CAPN8: variants seen among roughly 807,000 people sequenced by gnomAD.
CAPN8 encodes the protein calpain-8.
A neutral mutation model predicts 80.9 loss-of-function variants in CAPN8; 87 were observed. The ratio of observed to expected loss-of-function variants is 1.07; its 90% CI spans 0.90 to 1.28. The LOEUF (loss-of-function observed/expected upper bound fraction) is 1.28. CAPN8 is among the 50% of genes most tolerant of loss of function. The probability of loss-of-function intolerance (pLI) is 0.00; values close to 1 mark genes in which losing one functional copy is unlikely to be tolerated. For synonymous variants in CAPN8, 299 were observed against 273.8 expected, an observed-to-expected ratio of 1.09 and a Z score of -0.91; for missense variants, 757 against 702.0, an observed-to-expected ratio of 1.08 and a Z score of -0.89.
In CAPN8 at chr1:223,550,780, G is replaced by A. The variant is rs544307376; in HGVS notation, c.1699+180C>T. Among the ~76,000 whole-genome samples the A allele has an allele frequency of 9.9e-5, 15 of 152,100 alleles. 1 individual carries two copies. Among genetic ancestry groups the A allele is most frequent in the Admixed American group, 5.2e-4 (8 of 15,280 alleles). ...CCTTCACCTCCACCCTCGCCTCCCC[G>A]TCTTCTGCCTCTCCTTCTTCCCCTC... is the stretch of plus-strand genomic sequence containing the variant. On this transcript the variant is annotated intron_variant, in intron 15 of 20. Transcript: ENST00000366872.
At position 223,656,873 on chromosome 1, in the gene CAPN8, A is replaced by T. The variant is rs1272908008; in HGVS notation, c.238-2474T>A. On this transcript the variant is annotated intron_variant, in intron 1 of 20. Coordinates refer to ENST00000366872, the MANE Select transcript of CAPN8 (RefSeq NM_001143962.2). ...TAATTTTTTGTATTTTTTAGTAGAGATGGGGTTTCGCCTTGTTAACCAGGA... is the reference window on the plus strand; with the variant it reads ...TAATTTTTTGTATTTTTTAGTAGAGTTGGGGTTTCGCCTTGTTAACCAGGA... Among the ~76,000 whole-genome samples the T allele has an allele frequency of 1.1e-4, 16 of 151,404 alleles. 1 individual carries two copies. Among genetic ancestry groups the T allele is most frequent in the Admixed American group, 1.1e-3 (16 of 15,210 alleles).
chr1:223,616,942 A>G (rs1035352242), intron 9 of CAPN8: 1 of 152,218 alleles, frequency 6.6e-6, no homozygotes, highest in African/African-American at 2.4e-5. Context: ...CTCTCAGAAT[A>G]GTAAGTACAC....
At chr1:223,629,198 G>GTGTGTGTGTC in intron 2 of CAPN8, among the ~76,000 whole-genome samples, 1 of 18,036 alleles carries the variant, frequency 5.5e-5, no homozygotes, top group Non-Finnish European at 9.3e-5. Context: ...ACGTGTAAGA[G>GTGTGTGTGTC]TGTGTGTGTG....
chr1:223,619,277 C>T lies in CAPN8; in HGVS notation c.1135+16G>A. 2 of 1,551,288 alleles carry T rather than the reference C, an allele frequency of 1.3e-6. No homozygotes were observed. Among genetic ancestry groups the T allele is most frequent in the Non-Finnish European group, 1.7e-6 (2 of 1,146,880 alleles). ...TAAGCTGGAGGAGGTTGGGCCAAGG[C>T]AGCCCTTCACCTTACCTGGGTAGTT... is the stretch of plus-strand genomic sequence containing the variant. On this transcript the variant is annotated intron_variant, in intron 9 of 20. Transcript: ENST00000366872.
At chr1:223,661,704 A>G (rs1658650781) in intron 1 of CAPN8, among the ~76,000 whole-genome samples, 2 of 152,218 alleles carry the variant, frequency 1.3e-5, no homozygotes, top group African/African-American at 4.8e-5. Context: ...AACCCTGTGC[A>G]CTGCTGGTGG....
intron 7 of CAPN8, among the ~76,000 whole-genome samples, chr1:223,620,560 C>G (rs1657357072): frequency 6.6e-6 from 1 of 152,146 alleles, no homozygotes; most frequent in Non-Finnish European, 1.5e-5. Context: ...TTTGACATTT[C>G]TAATTAAGAC....
Position 223,545,304 on chromosome 1 carries a change from G to T in CAPN8, c.1765-5C>A. The T allele has an allele frequency of 6.4e-7, 1 of 1,551,506 alleles. No individual in the cohort carries two copies. The highest frequency in any genetic ancestry group is 8.7e-7 in the Non-Finnish European group (1 of 1,146,904). Reference sequence around the variant, plus strand: ...CAAAGTGCCCGTTCCATTGCTCTAGGCACATTAAAGACCAACATGATTGAG... The same window carrying T: ...CAAAGTGCCCGTTCCATTGCTCTAGTCACATTAAAGACCAACATGATTGAG... On this transcript the variant is annotated splice_polypyrimidine_tract_variant and splice_region_variant and intron_variant, in intron 16 of 20. Transcript: ENST00000366872.
chr1:223,542,171 T>C (rs1037779266), intron 20 of CAPN8, among the ~76,000 whole-genome samples: 2 of 151,664 alleles, frequency 1.3e-5, no homozygotes, highest in African/African-American at 2.4e-5. Context: ...TATACACACA[T>C]ATATATACAC....
intron 13 of CAPN8, among the ~76,000 whole-genome samples, chr1:223,557,040 G>A (rs1299418780): frequency 2.6e-5 from 4 of 152,156 alleles, no homozygotes; most frequent in Non-Finnish European, 5.9e-5. Context: ...GGCAGGGGGC[G>A]CTATTGACCA....
At chr1:223,616,947 G>C (rs1191377864) in intron 9 of CAPN8, 1 of 152,196 alleles carries the variant, frequency 6.6e-6, no homozygotes, top group African/African-American at 2.4e-5. Context: ...AGAATAGTAA[G>C]TACACAAGCC....
chr1:223,634,428 A>T (rs899050153), intron 2 of CAPN8, among the ~76,000 whole-genome samples: 1 of 152,174 alleles, frequency 6.6e-6, no homozygotes, highest in African/African-American at 2.4e-5. Context: ...GGCTTCTCTC[A>T]TTGGTGGGAG....
intron 2 of CAPN8, among the ~76,000 whole-genome samples, chr1:223,645,186 C>A (rs1001698609): frequency 1.3e-5 from 2 of 152,088 alleles, no homozygotes; most frequent in African/African-American, 4.8e-5. Context: ...AAGCATCCAG[C>A]GCAGAAGAAA....
At chr1:223,632,521 T>A (rs1657802288) in intron 2 of CAPN8, among the ~76,000 whole-genome samples, 1 of 152,214 alleles carries the variant, frequency 6.6e-6, no homozygotes, top group East Asian at 1.9e-4. Flanking sequence ...TACAGTCATG[T>A]GCCACCATGC....
At chr1:223,632,327 G>T (rs1572246110) in intron 2 of CAPN8, among the ~76,000 whole-genome samples, 1 of 152,154 alleles carries the variant, frequency 6.6e-6, no homozygotes, top group East Asian at 1.9e-4. Context: ...ACTTGTTTGG[G>T]GAACTGCCAG....
At chr1:223,549,554 C>T in intron 15 of CAPN8, 172 bp from the exon 16 acceptor site, 1 of 960,958 alleles carries the variant, frequency 1.0e-6, no homozygotes. Flanking sequence ...ACGCCTGAGC[C>T]TCCTGGTGCC....
At chr1:223,614,016 T>C (rs367735174) in intron 10 of CAPN8, among the ~76,000 whole-genome samples, 3 of 152,362 alleles carry the variant, frequency 2.0e-5, no homozygotes, top group East Asian at 3.9e-4. Flanking sequence ...AAAACTGATA[T>C]GCTTTATATA....
chr1:223,543,226 C>T (rs1388703469), intron 19 of CAPN8, 60 bp from the exon 20 acceptor site: 1 of 1,533,600 alleles, frequency 6.5e-7, no homozygotes. Context: ...TTGGAACAAT[C>T]AGAGAGCTGC....
chr1:223,626,912 G>A (rs1318233238), intron 5 of CAPN8, 77 bp downstream of exon 5: 89 of 1,456,746 alleles, frequency 6.1e-5, no homozygotes, highest in Non-Finnish European at 7.1e-5. Flanking sequence ...CCTCTCTCCC[G>A]CTGTCTCATC....
intron 9 of CAPN8, among the ~76,000 whole-genome samples, chr1:223,616,712 A>G (rs1198014891): frequency 1.3e-5 from 2 of 152,200 alleles, no homozygotes; most frequent in Non-Finnish European, 2.9e-5. Context: ...TGCAGAGCAC[A>G]GCCTGCGGCA....
Sources: gnomAD v4.1 joint callset for allele counts (sites outside exome capture counted in the v4.1 genomes callset) on GRCh38, gnomAD v4.1.1 for gene constraint, MANE v1.5 for transcripts, NCBI Gene and HGNC (gene_info 2026-07-23, HGNC 2026-07-21) for gene names.